The following SEMA6A variants were observed in gnomAD, a reference collection of about 807,000 sequenced individuals.
The protein encoded by SEMA6A is semaphorin-6A.
Under a neutral mutation model 96.8 loss-of-function variants are expected in SEMA6A, and 25 were observed. That is an observed-to-expected ratio of 0.26 (90% CI 0.19 to 0.36). The LOEUF (loss-of-function observed/expected upper bound fraction) is 0.36, where lower values mean the gene tolerates loss of function less well. SEMA6A is among the 10% of genes least tolerant of loss of function. The pLI, the probability that SEMA6A is intolerant of heterozygous loss-of-function variation, is 1.00. For synonymous variants in SEMA6A, 612 were observed against 518.0 expected, an observed-to-expected ratio of 1.18 and a Z score of -2.46; for missense variants, 1,363 against 1,323.1, an observed-to-expected ratio of 1.03 and a Z score of -0.47.
chr5:116,477,784 A>C, intron 15 of SEMA6A, 62 bp downstream of exon 15: 24 of 1,519,586 alleles, frequency 1.6e-5, no homozygotes, highest in Non-Finnish European at 2.2e-5. Context: ...AGCAAATCTT[A>C]CATCTAGAAT....
At chr5:116,537,905 G>T (rs966569313) in intron 1 of SEMA6A, among the ~76,000 whole-genome samples, 1 of 152,170 alleles carries the variant, frequency 6.6e-6, no homozygotes, top group Non-Finnish European at 1.5e-5. Context: ...GGCCAGGTGC[G>T]GTGTCTCATG....
chr5:116,475,620 G>A lies in SEMA6A; in HGVS notation c.1650-17C>T. 2 of 1,577,912 alleles carry A rather than the reference G, an allele frequency of 1.3e-6. No individual in the cohort carries two copies. The highest frequency in any genetic ancestry group is 1.7e-6 in the Non-Finnish European group (2 of 1,158,072). ...AAAGTCAGTCTTTTAAAAAAGGAAG[G>A]GAAAGAGAGACAGAAATGAATACAA... is the stretch of plus-strand genomic sequence containing the variant. On this transcript the variant is annotated splice_polypyrimidine_tract_variant and intron_variant, in intron 15 of 18. Coordinates refer to ENST00000343348, the MANE Select transcript of SEMA6A (RefSeq NM_020796.5).
chr5:116,478,172 G>C lies in SEMA6A; in HGVS notation c.1428-18C>G. 6.2e-7 allele frequency: 1 copy of C among 1,613,214 alleles called. No individual in the cohort carries two copies. The highest frequency in any genetic ancestry group is 8.5e-7 in the Non-Finnish European group (1 of 1,179,536). ...AGCTGCATCTAATTTCATCAGGCAA[G>C]ATAATATCATTAATAGACTCTTCTC... On this transcript the variant is annotated intron_variant, in intron 13 of 18. Transcript: ENST00000343348.
intron 1 of SEMA6A, among the ~76,000 whole-genome samples, chr5:116,511,120 CA>C (rs1758382637): frequency 6.6e-6 from 1 of 152,150 alleles, no homozygotes; most frequent in Non-Finnish European, 1.5e-5. Context: ...CCAAAGATTC[CA>C]AAATCTGGGG....
At chr5:116,486,513 A>G (rs1206978062) in intron 10 of SEMA6A, 5 of 481,140 alleles carry the variant, frequency 1.0e-5, no homozygotes, top group African/African-American at 7.8e-5. Context: ...TACCAGGCTT[A>G]TATAAATAGA....
chr5:116,562,611 G>T (rs963749649), intron 1 of SEMA6A: 2 of 695,014 alleles, frequency 2.9e-6, no homozygotes, highest in African/African-American at 3.5e-5. Flanking sequence ...ATCAGCCTCT[G>T]ACCTCAGGTG....
chr5:116,488,204 C>T lies in SEMA6A; in HGVS notation c.656-8G>A. ...CTTGAACAAAGTATGGTTCTGTAGA[C>T]AAACAGGCACTTTAATTGGGAACAT... On this transcript the variant is annotated splice_polypyrimidine_tract_variant and splice_region_variant and intron_variant, in intron 8 of 18. Coordinates refer to ENST00000343348, the MANE Select transcript of SEMA6A (RefSeq NM_020796.5). The T allele has an allele frequency of 6.4e-7, 1 of 1,574,208 alleles. No individual in the cohort carries two copies. The highest frequency in any genetic ancestry group is 8.7e-7 in the Non-Finnish European group (1 of 1,147,908).
At chr5:116,563,018 G>A (rs995436217) in intron 1 of SEMA6A, 23 of 514,572 alleles carry the variant, frequency 4.5e-5, no homozygotes, top group Non-Finnish European at 8.6e-5. Flanking sequence ...CTGTGAACAA[G>A]ACAAGACTCC....
chr5:116,506,443 A>G (rs1186945539), intron 1 of SEMA6A, among the ~76,000 whole-genome samples: 3 of 152,236 alleles, frequency 2.0e-5, no homozygotes, highest in Admixed American at 6.5e-5. Flanking sequence ...ACCATTATGA[A>G]GAGACATAAA....
chr5:116,497,466 A>C (rs1029715681), intron 3 of SEMA6A, 79 bp from the exon 4 acceptor site: 1 of 837,790 alleles, frequency 1.2e-6, no homozygotes, highest in African/African-American at 1.7e-5. Flanking sequence ...GTTATGTCTT[A>C]TCAGGGCAGA....
intron 1 of SEMA6A, among the ~76,000 whole-genome samples, chr5:116,540,750 A>G (rs1016875284): frequency 2.6e-5 from 4 of 152,122 alleles, no homozygotes; most frequent in Non-Finnish European, 4.4e-5. Context: ...GGCCCAAACT[A>G]TCTTTTTTCA....
chr5:116,469,409 A>G (rs748757732), intron 17 of SEMA6A: 3 of 152,078 alleles, frequency 2.0e-5, no homozygotes, highest in Admixed American at 6.5e-5. Context: ...AAGTTCCTTT[A>G]TTTCCTTTCA....
intron 3 of SEMA6A, 23 bp from the exon 4 acceptor site, chr5:116,497,410 A>G (rs1757652980): frequency 7.0e-7 from 1 of 1,424,174 alleles, no homozygotes; most frequent in South Asian, 1.2e-5. Flanking sequence ...AAAAATTAAT[A>G]CAAGGTCAAA....
intron 1 of SEMA6A, among the ~76,000 whole-genome samples, chr5:116,542,210 A>G (rs1396885188): frequency 6.6e-6 from 1 of 152,220 alleles, no homozygotes; most frequent in Non-Finnish European, 1.5e-5. Context: ...TTACCTGCTA[A>G]CCAAATCATG....
rs141225032 is a variant in SEMA6A at position 116,556,550 on chromosome 5, C to T, written c.-39+17635G>A. Among the ~76,000 whole-genome samples, 133 of 152,230 alleles carry T rather than the reference C, an allele frequency of 8.7e-4. No individual in the cohort carries two copies. In the East Asian group the frequency reaches 0.011, roughly 13 times the overall value. Reference sequence around the variant, plus strand: ...TATGAGGAAGGTACCATTAGTATTTCCCCTTTACAGATGATGAATATGAGG... The same window carrying T: ...TATGAGGAAGGTACCATTAGTATTTTCCCTTTACAGATGATGAATATGAGG... On this transcript the variant is annotated intron_variant, in intron 1 of 18. Transcript: ENST00000343348.
chr5:116,489,004 C>G lies in SEMA6A; in HGVS notation c.539G>C (p.Gly180Ala), dbSNP rs1757200887. 6.4e-7 allele frequency: 1 copy of G among 1,563,068 alleles called. No homozygotes were observed. The highest frequency in any genetic ancestry group is 8.7e-7 in the Non-Finnish European group (1 of 1,152,534). Residue 180 changes from glycine (G) to alanine (A), a missense_variant, in exon 8 of 19, where the codon GGA (glycine) becomes GCA (alanine). By Grantham distance (60) the Gly-to-Ala change is moderately conservative (BLOSUM62 0). This residue lies in a region of SEMA6A where 480 missense variants were observed against 559.5 expected (regional missense o/e 0.86). Coordinates refer to ENST00000343348, the MANE Select transcript of SEMA6A (RefSeq NM_020796.5). Reference protein sequence around the residue: ...KHANVALFADGKLYSATVTDF... With the variant: ...KHANVALFADAKLYSATVTDF... Reference sequence around the variant, plus strand: ...AGTCACTGTGGCTGAGTATAGTTTTCCATCTTAGAAGAAAAAGAAAAGAGG... The same window carrying G: ...AGTCACTGTGGCTGAGTATAGTTTTGCATCTTAGAAGAAAAAGAAAAGAGG...
chr5:116,574,161 C>CGCGCCCGG (rs1009163541), intron 1 of SEMA6A, 24 bp downstream of exon 1: 1 of 150,434 alleles, frequency 6.6e-6, no homozygotes, highest in Non-Finnish European at 1.5e-5. Context: ...GGAGGTGGGG[C>CGCGCCCGG]GCGCCCGGGC....
chr5:116,483,837 G>A (rs914993977), intron 10 of SEMA6A, among the ~76,000 whole-genome samples: 1 of 152,170 alleles, frequency 6.6e-6, no homozygotes, highest in Admixed American at 6.5e-5. Flanking sequence ...GCTGAGGTGG[G>A]TGGATAACTT....
intron 6 of SEMA6A, 50 bp from the exon 7 acceptor site, chr5:116,491,880 C>G: frequency 7.1e-7 from 1 of 1,411,814 alleles, no homozygotes; most frequent in Non-Finnish European, 1.0e-6. Context: ...TTTCTTTTGC[C>G]CTAAACCCTC....
Sources: allele counts gnomAD v4.1 joint callset (sites outside exome capture counted in the v4.1 genomes callset), GRCh38; gene constraint gnomAD v4.1.1; regional missense constraint gnomAD v4.1.1; transcripts MANE v1.5; gene names NCBI Gene and HGNC (gene_info 2026-07-23, HGNC 2026-07-21).